Variants in PDE1A observed in about 807,000 individuals in gnomAD.
PDE1A encodes phosphodiesterase 1A.
In PDE1A, 35 loss-of-function variants were observed where a neutral mutation model predicts 61.7. The observed-to-expected ratio is 0.57, with a 90% confidence interval of 0.43 to 0.75. PDE1A has a LOEUF of 0.75. Ranked by LOEUF, PDE1A falls within the 30% of genes least tolerant of loss-of-function variation. The pLI is 0.00. For missense variants in PDE1A, 597 were observed against 630.6 expected (o/e 0.95, Z 0.57); for synonymous variants, 232 against 213.2 (o/e 1.09, Z -0.77).
chr2:182,309,034 A>T (rs1470579520), intron 1 of PDE1A, among the ~76,000 whole-genome samples: 2 of 151,908 alleles, frequency 1.3e-5, no homozygotes, highest in South Asian at 4.1e-4. Flanking sequence ...CTTTAAAAAA[A>T]AAAAAAGTGA....
intron 1 of PDE1A, among the ~76,000 whole-genome samples, chr2:182,422,171 G>A (rs1703320709): frequency 6.6e-6 from 1 of 152,144 alleles, no homozygotes; most frequent in South Asian, 2.1e-4. Context: ...GGAACTATTT[G>A]CATGATTTTG....
At chr2:182,187,351 T>G (rs1276526339) in intron 11 of PDE1A, among the ~76,000 whole-genome samples, 1 of 152,178 alleles carries the variant, frequency 6.6e-6, no homozygotes, top group Non-Finnish European at 1.5e-5. Flanking sequence ...ATCCCATGTT[T>G]AGGCAGAGGA....
At chr2:182,704,222 A>AAC in the PDE1A span, among the ~76,000 whole-genome samples, 1 of 150,642 alleles carries the variant, frequency 6.6e-6, no homozygotes, top group East Asian at 1.9e-4. Context: ...AAAAAAAAAA[A>AAC]AAACAAAAAA....
chr2:182,200,248 A>C (rs1305485687), intron 10 of PDE1A, among the ~76,000 whole-genome samples: 1 of 152,200 alleles, frequency 6.6e-6, no homozygotes, highest in Admixed American at 6.5e-5. Flanking sequence ...ACTCTAGGCT[A>C]ATGAGGCAAC....
chr2:182,507,819 AC>A (rs1402557561), intron 2 of PDE1A, among the ~76,000 whole-genome samples: 1 of 152,228 alleles, frequency 6.6e-6, no homozygotes, highest in Non-Finnish European at 1.5e-5. Context: ...AGTGGGAAGT[AC>A]TGGAAATTTT....
At chr2:182,655,758 G>T in the PDE1A span, among the ~76,000 whole-genome samples, 4 of 152,290 alleles carry the variant, frequency 2.6e-5, no homozygotes, top group East Asian at 7.7e-4. Flanking sequence ...GAGAATAAAG[G>T]GTTCAAAATT....
chr2:182,295,441 T>G (rs1694821541), intron 1 of PDE1A, among the ~76,000 whole-genome samples: 1 of 152,198 alleles, frequency 6.6e-6, no homozygotes, highest in Non-Finnish European at 1.5e-5. Flanking sequence ...GTGTTTTAGT[T>G]GGTAATGGAA....
chr2:182,682,579 C>T, the PDE1A span, among the ~76,000 whole-genome samples: 2 of 152,106 alleles, frequency 1.3e-5, no homozygotes, highest in African/African-American at 2.4e-5. Flanking sequence ...AGTTCTAAGA[C>T]TGGGAGGCTT....
chr2:182,169,881 G>A (rs181240335), intron 13 of PDE1A, among the ~76,000 whole-genome samples: 1 of 148,192 alleles, frequency 6.7e-6, no homozygotes, highest in African/African-American at 2.5e-5. Context: ...TGCAAATACA[G>A]TGGACAGGAG....
rs187717703 is a variant in PDE1A at position 182,459,012 on chromosome 2, A to G, written c.101+63264T>C. On this transcript the variant is annotated intron_variant, in intron 2 of 14. Transcript: ENST00000410103. ...TTACACAATATAGTAAAAGCACTTC[A>G]CATTAACATAATAAACACAATAGCA... is the stretch of plus-strand genomic sequence containing the variant. Among the ~76,000 whole-genome samples, 3 of 152,234 alleles carry G rather than the reference A, an allele frequency of 2.0e-5. No homozygotes were observed. In the East Asian group the frequency reaches 5.8e-4, roughly 30 times the overall value.
upstream of PDE1A, among the ~76,000 whole-genome samples, chr2:182,427,545 A>C (rs16823231): frequency 1.3e-5 from 2 of 152,256 alleles, no homozygotes; most frequent in East Asian, 3.9e-4. Context: ...AAGCCCCTCC[A>C]AAGTGCCTGG....
intron 1 of PDE1A, among the ~76,000 whole-genome samples, chr2:182,385,674 G>GAAGAAAAAAAGA: frequency 8.7e-6 from 1 of 115,346 alleles, no homozygotes; most frequent in African/African-American, 3.3e-5. Context: ...AAAAAAGAAA[G>GAAGAAAAAAAGA]AAAAGAAAGA....
chr2:182,476,938 C>G (rs17356296), intron 2 of PDE1A, among the ~76,000 whole-genome samples: 24,536 of 148,920 alleles, frequency 0.16, 2,466 homozygotes, highest in Middle Eastern at 0.32. Context: ...CCAAAGTAAA[C>G]AGGGAAATGT....
At position 182,183,618 on chromosome 2, in the gene PDE1A, G is replaced by GA. The variant is rs201387098; in HGVS notation, c.1516+2273dup. Among the ~76,000 whole-genome samples, 565 of 152,092 alleles carry GA rather than the reference G, an allele frequency of 3.7e-3. 2 individuals are homozygous for GA. Among genetic ancestry groups the GA allele is most frequent in the African/African-American group, 0.013 (536 of 41,490 alleles). The stretch of plus-strand genomic sequence containing the variant: ...GTTGGGGTAAAGGGTAAACCAGCAG[G>GA]ATTTAACAGAAAAACCCTAGAAATT... On this transcript the variant is annotated intron_variant, in intron 13 of 13. Coordinates refer to ENST00000351439, the Ensembl canonical transcript of PDE1A.
the PDE1A span, among the ~76,000 whole-genome samples, chr2:182,603,177 C>A: frequency 6.6e-6 from 1 of 152,044 alleles, no homozygotes; most frequent in South Asian, 2.1e-4. Flanking sequence ...TAGGTGTGTT[C>A]TTTTATTGTT....
intron 2 of PDE1A, among the ~76,000 whole-genome samples, chr2:182,469,482 T>G (rs1303743001): frequency 1.3e-5 from 2 of 152,004 alleles, no homozygotes; most frequent in African/African-American, 2.4e-5. Flanking sequence ...CGAATTAGGC[T>G]TTGGCTAAAG....
chr2:182,255,139 C>CA lies in PDE1A; in HGVS notation c.167+9161dup, dbSNP rs569520699. Among the ~76,000 whole-genome samples, 1,104 of 152,202 alleles carry CA rather than the reference C, an allele frequency of 7.3e-3. 10 individuals are homozygous for CA. Among genetic ancestry groups the CA allele is most frequent in the Non-Finnish European group, 0.012 (810 of 68,000 alleles). The stretch of plus-strand genomic sequence containing the variant: ...ATCAAAAGAGCCATTCCAGAGCAAG[C>CA]AAAACAGAGGTGGACCTGCTGACAG... On this transcript the variant is annotated intron_variant, in intron 2 of 13. Coordinates refer to ENST00000351439, the Ensembl canonical transcript of PDE1A.
At chr2:182,467,559 C>A (rs1176652565) in intron 2 of PDE1A, among the ~76,000 whole-genome samples, 1 of 151,778 alleles carries the variant, frequency 6.6e-6, no homozygotes, top group African/African-American at 2.4e-5. Flanking sequence ...TTTTATTAAG[C>A]CAGAATTATC....
chr2:182,502,978 G>A (rs921148978), intron 2 of PDE1A, among the ~76,000 whole-genome samples: 3 of 151,370 alleles, frequency 2.0e-5, no homozygotes, highest in African/African-American at 2.4e-5. Flanking sequence ...GTAAGGAACT[G>A]TAGACCCAGT....
Sources: allele counts gnomAD v4.1 joint callset (sites outside exome capture counted in the v4.1 genomes callset), GRCh38; gene constraint gnomAD v4.1.1; transcripts MANE v1.5; gene names NCBI Gene and HGNC (gene_info 2026-07-23, HGNC 2026-07-21).